The following SAMD5 variants were observed in gnomAD, a reference collection of about 807,000 sequenced individuals.
The protein encoded by SAMD5 is sterile alpha motif domain containing 5, also known as sterile alpha motif domain-containing protein 5.
SAMD5 carries 13 observed loss-of-function variants against 11.3 expected under a neutral mutation model. The observed-to-expected ratio is 1.15, with a 90% confidence interval of 0.75 to 1.83. The LOEUF (loss-of-function observed/expected upper bound fraction) is 1.83. Ranked by LOEUF, SAMD5 falls within the 40% of genes most tolerant of loss-of-function variation. The probability of loss-of-function intolerance (pLI) is 0.00; values close to 1 mark genes in which losing one functional copy is unlikely to be tolerated. For missense variants in SAMD5, 255 were observed against 239.1 expected (o/e 1.07, Z -0.44); for synonymous variants, 129 against 111.3 (o/e 1.16, Z -1.00).
At chr6:147,585,734 G>C (rs1461951353) in intron 1 of SAMD5, among the ~76,000 whole-genome samples, 1 of 152,028 alleles carries the variant, frequency 6.6e-6, no homozygotes, top group African/African-American at 2.4e-5. Context: ...CTGAGTTTTG[G>C]TCTTTAATTA....
chr6:147,709,086 C>A (rs553034151), intron 1 of SAMD5, among the ~76,000 whole-genome samples: 2 of 152,268 alleles, frequency 1.3e-5, no homozygotes, highest in Non-Finnish European at 2.9e-5. Flanking sequence ...GCTTTACATG[C>A]CAAGTTACCC....
At chr6:147,835,244 AAAC>A in the SAMD5 span, among the ~76,000 whole-genome samples, 4 of 150,820 alleles carry the variant, frequency 2.7e-5, no homozygotes, top group Admixed American at 2.0e-4. Context: ...AAAAAAAAAA[AAAC>A]AAAAAAAACA....
the SAMD5 span, among the ~76,000 whole-genome samples, chr6:147,927,546 G>C: frequency 6.6e-6 from 1 of 152,170 alleles, no homozygotes; most frequent in South Asian, 2.1e-4. Flanking sequence ...CTGTTTATTA[G>C]CTGAGGGAGC....
chr6:147,883,718 G>A, the SAMD5 span, among the ~76,000 whole-genome samples: 1 of 152,158 alleles, frequency 6.6e-6, no homozygotes, highest in Admixed American at 6.5e-5. Flanking sequence ...TATTGACAGT[G>A]AAAAGGATGT....
the SAMD5 span, among the ~76,000 whole-genome samples, chr6:147,867,283 T>TC: frequency 2.0e-5 from 3 of 146,714 alleles, no homozygotes; most frequent in East Asian, 5.9e-4. Context: ...AAAAAGGTTT[T>TC]TTTTTTTTTT....
At chr6:147,848,648 T>C in the SAMD5 span, among the ~76,000 whole-genome samples, 2 of 152,162 alleles carry the variant, frequency 1.3e-5, no homozygotes, top group Admixed American at 6.5e-5. Flanking sequence ...TAGACCCTAT[T>C]TGCTTGTGAA....
rs142534947 is a variant in SAMD5, at chr6:147,697,218, A to G, written c.163-40099A>G. Among the ~76,000 whole-genome samples the G allele has an allele frequency of 3.5e-3, 540 of 152,296 alleles. 1 individual carries two copies. The highest frequency in any genetic ancestry group is 7.2e-3 in the South Asian group (35 of 4,828). The stretch of plus-strand genomic sequence containing the variant: ...AGTATTGCCAAGGAAGAAGGGTTTA[A>G]TCGGGCGCTGCAGCCAAGGAGATGG... On this transcript the variant is annotated intron_variant, in intron 1 of 1. Coordinates refer to the SAMD5 transcript ENST00000566741.
At chr6:147,858,580 T>C in the SAMD5 span, among the ~76,000 whole-genome samples, 2 of 152,206 alleles carry the variant, frequency 1.3e-5, no homozygotes, top group African/African-American at 2.4e-5. Flanking sequence ...TTCTCAAAAA[T>C]GATAAAGTGC....
chr6:147,777,921 C>T, the SAMD5 span, among the ~76,000 whole-genome samples: 2 of 152,222 alleles, frequency 1.3e-5, no homozygotes, highest in Non-Finnish European at 2.9e-5. Context: ...TCTTGATGGA[C>T]ATTTGGTTGT....
At chr6:147,803,144 TGTGTGTG>T in the SAMD5 span, among the ~76,000 whole-genome samples, 56 of 112,744 alleles carry the variant, frequency 5.0e-4, no homozygotes, top group African/African-American at 1.6e-3. Flanking sequence ...TGTGTGTGTG[TGTGTGTG>T]TGTGTGTGTG....
At chr6:147,915,461 A>G in the SAMD5 span, among the ~76,000 whole-genome samples, 2 of 152,208 alleles carry the variant, frequency 1.3e-5, no homozygotes, top group South Asian at 4.1e-4. Context: ...CTAGTCCACT[A>G]TCTACTAGTT....
At position 147,700,729 on chromosome 6, in the gene SAMD5, G is replaced by A. The variant is rs538643276; in HGVS notation, c.163-36588G>A. 2.1e-3 allele frequency among the ~76,000 whole-genome samples: 327 copies of A among 152,328 alleles called. 4 individuals carry two copies. Among genetic ancestry groups the A allele is most frequent in the African/African-American group, 6.8e-3 (284 of 41,568 alleles). ...TTATCAAAAGGACTTGGCTTTAGCC[G>A]TATTATTTTACAGAGTAAAGAACAA... On this transcript the variant is annotated intron_variant, in intron 1 of 1. Coordinates refer to the SAMD5 transcript ENST00000566741.
chr6:147,523,764 G>A (rs1308849632), intron 1 of SAMD5, among the ~76,000 whole-genome samples: 1 of 152,168 alleles, frequency 6.6e-6, no homozygotes, highest in Non-Finnish European at 1.5e-5. Flanking sequence ...TGTGAAAGTG[G>A]AAACTGATAA....
At chr6:147,663,007 A>T (rs1483115871) in intron 1 of SAMD5, among the ~76,000 whole-genome samples, 2 of 152,220 alleles carry the variant, frequency 1.3e-5, no homozygotes, top group Non-Finnish European at 2.9e-5. Context: ...TTGTAAAAGC[A>T]ATGACATCTG....
intron 1 of SAMD5, among the ~76,000 whole-genome samples, chr6:147,613,980 C>G (rs1789828042): frequency 6.6e-6 from 1 of 151,924 alleles, no homozygotes. Context: ...CCAGGGAGTA[C>G]CAACACACCA....
chr6:147,868,593 A>C, the SAMD5 span, among the ~76,000 whole-genome samples: 5 of 152,232 alleles, frequency 3.3e-5, no homozygotes, highest in Non-Finnish European at 7.3e-5. Flanking sequence ...GACAGAAAAG[A>C]AAAAGCCACT....
chr6:147,838,317 G>A, the SAMD5 span, among the ~76,000 whole-genome samples: 2 of 152,132 alleles, frequency 1.3e-5, no homozygotes, highest in Non-Finnish European at 2.9e-5. Context: ...TAAGAACCTG[G>A]AGGCAGGTAT....
intron 1 of SAMD5, among the ~76,000 whole-genome samples, chr6:147,640,010 A>C (rs1790286349): frequency 6.6e-6 from 1 of 152,148 alleles, no homozygotes; most frequent in African/African-American, 2.4e-5. Context: ...GCCGTCACAC[A>C]CATTATGGCT....
chr6:147,880,975 C>G, the SAMD5 span, among the ~76,000 whole-genome samples: 7 of 152,172 alleles, frequency 4.6e-5, no homozygotes, highest in African/African-American at 1.7e-4. Flanking sequence ...ACCCTAGACA[C>G]TGGGGTAGAT....
Sources: allele counts gnomAD v4.1 joint callset (sites outside exome capture counted in the v4.1 genomes callset), GRCh38; gene constraint gnomAD v4.1.1; transcripts MANE v1.5; gene names NCBI Gene and HGNC (gene_info 2026-07-23, HGNC 2026-07-21).